Variants in ZC3H18 observed in about 807,000 individuals in gnomAD.
ZC3H18 encodes the protein zinc finger CCCH-type containing 18.
ZC3H18 carries 8 observed loss-of-function variants against 106.1 expected under a neutral mutation model. The observed-to-expected ratio is 0.08, with a 90% CI of 0.04 to 0.14. The LOEUF is 0.14. Among genes scored for constraint, ZC3H18 ranks in the 10% least tolerant of loss-of-function variants. The pLI is 1.00. For synonymous variants in ZC3H18, 635 were observed against 522.1 expected (o/e 1.22, Z -2.95); for missense variants, 1,318 against 1,278.4 (o/e 1.03, Z -0.47).
intron 8 of ZC3H18, among the ~76,000 whole-genome samples, chr16:88,612,521 T>A (rs1380815201): frequency 3.8e-4 from 55 of 143,516 alleles, no homozygotes; most frequent in African/African-American, 1.3e-3. Flanking sequence ...AAAAAAAAAA[T>A]TAAAAATTAG....
rs550248981 is a variant in ZC3H18 at position 88,608,807 on chromosome 16, A to G, written c.1089-127A>G. On this transcript the variant is annotated intron_variant, in intron 6 of 17. Coordinates refer to ENST00000301011, the MANE Select transcript of ZC3H18 (RefSeq NM_144604.4). ...GAACAGATTTCCTAACCTTGAGCCA[A>G]CCTTGCGCTCCTGGAGTAAACCCCA... 694 of 696,236 alleles carry G rather than the reference A, an allele frequency of 1.0e-3. 8 individuals carry two copies. Among genetic ancestry groups the G allele is most frequent in the South Asian group, 1.5e-3 (67 of 45,420 alleles). 43.1% of individuals were successfully genotyped at this position (696,236 alleles called of 1,614,324 possible). A position where few individuals can be genotyped will look rare whatever the true frequency, so the allele number is the denominator to read the frequency against.
intron 7 of ZC3H18, among the ~76,000 whole-genome samples, chr16:88,611,000 T>G (rs1905242207): frequency 6.6e-6 from 1 of 152,252 alleles, no homozygotes; most frequent in Non-Finnish European, 1.5e-5. Flanking sequence ...TTTTTAACAT[T>G]GTGTTTTAAG....
chr16:88,580,242 A>G (rs1054931862), intron 2 of ZC3H18, among the ~76,000 whole-genome samples: 7 of 147,808 alleles, frequency 4.7e-5, no homozygotes, highest in African/African-American at 1.5e-4. Context: ...TGCTTCCCCT[A>G]TTCCCAAGAA....
intron 3 of ZC3H18, among the ~76,000 whole-genome samples, chr16:88,590,440 C>A (rs1303583543): frequency 1.3e-5 from 2 of 152,098 alleles, no homozygotes; most frequent in African/African-American, 2.4e-5. Context: ...TGGAGCTGTA[C>A]TTCTTCATGG....
chr16:88,616,674 G>A (rs191955391), intron 8 of ZC3H18, among the ~76,000 whole-genome samples: 13 of 152,308 alleles, frequency 8.5e-5, no homozygotes, highest in Admixed American at 2.6e-4. Context: ...TATTGAATGG[G>A]TGGGTCTTTG....
At chr16:88,612,882 G>T (rs905296186) in intron 8 of ZC3H18, among the ~76,000 whole-genome samples, 1 of 151,928 alleles carries the variant, frequency 6.6e-6, no homozygotes, top group Admixed American at 6.6e-5. Flanking sequence ...GCACCACTGT[G>T]GTCCCAGCTA....
At chr16:88,594,062 A>C (rs939216779) in intron 3 of ZC3H18, among the ~76,000 whole-genome samples, 2 of 152,146 alleles carry the variant, frequency 1.3e-5, no homozygotes, top group African/African-American at 4.8e-5. Context: ...AAAGGCTTTT[A>C]GATGCCCCTC....
intron 2 of ZC3H18, among the ~76,000 whole-genome samples, chr16:88,579,746 C>T (rs533696516): frequency 6.6e-6 from 1 of 152,288 alleles, no homozygotes; most frequent in East Asian, 1.9e-4. Flanking sequence ...GCTGTGGAAA[C>T]CCCAGCACAG....
chr16:88,598,674 G>A lies in ZC3H18; in HGVS notation c.892G>A (p.Glu298Lys), dbSNP rs1367557876. The change falls in exon 5 of 18, where the codon GAG (glutamate) becomes AAG (lysine). Residue 298 changes from glutamate (E) to lysine (K), a missense_variant. Around this residue, in one of 6 missense-constraint regions of ZC3H18, gnomAD observed 78 missense variants for 67.3 expected, o/e 1.16. Transcript: ENST00000301011. ...LPPPPPEPPT[E>K]SAWERGLRHA... Reference sequence around the variant, plus strand: ...TCCACCCCCTCCAGAGCCCCCAACAGAGAGTGCCTGGGAACGAGGACTCCG... The same window carrying A: ...TCCACCCCCTCCAGAGCCCCCAACAAAGAGTGCCTGGGAACGAGGACTCCG... 1 of 1,613,258 alleles carries A rather than the reference G, an allele frequency of 6.2e-7. No homozygotes were observed. Among genetic ancestry groups the A allele is most frequent in the Non-Finnish European group, 8.5e-7 (1 of 1,179,594 alleles).
At chr16:88,577,910 C>G (rs1471025149) in intron 2 of ZC3H18, among the ~76,000 whole-genome samples, 184 bp downstream of exon 2, 1 of 152,126 alleles carries the variant, frequency 6.6e-6, no homozygotes, top group African/African-American at 2.4e-5. Flanking sequence ...AGCCAGAAAT[C>G]GAGAATGAGC....
At chr16:88,623,587 G>A (rs1906106046) in intron 10 of ZC3H18, 1 of 615,952 alleles carries the variant, frequency 1.6e-6, no homozygotes, top group Non-Finnish European at 2.8e-6. Flanking sequence ...CTCGAGTTGA[G>A]GCACTCCAGT....
chr16:88,621,142 T>G (rs1271818261), intron 8 of ZC3H18, among the ~76,000 whole-genome samples: 1 of 152,178 alleles, frequency 6.6e-6, no homozygotes, highest in African/African-American at 2.4e-5. Context: ...CCTCCCAGTT[T>G]CAAGCAATTC....
At position 88,631,441 on chromosome 16, in the gene ZC3H18, GC is replaced by G; in HGVS notation, c.*144del. 2 of 1,193,010 alleles carry G rather than the reference GC, an allele frequency of 1.7e-6. No homozygotes were observed. Among genetic ancestry groups the G allele is most frequent in the Non-Finnish European group, 2.3e-6 (2 of 853,370 alleles). 73.9% of individuals were successfully genotyped at this position (1,193,010 alleles called of 1,614,324 possible). On this transcript the variant is annotated 3_prime_UTR_variant, in exon 18 of 18. Coordinates refer to ENST00000301011, the MANE Select transcript of ZC3H18 (RefSeq NM_144604.4). ...AAAAAGTTTCTCAGCTGGAAAAGAA[GC>G]CACACAGGAAATGACAACGACGCTG...
chr16:88,580,918 T>C (rs894616564), intron 2 of ZC3H18, among the ~76,000 whole-genome samples: 1 of 152,236 alleles, frequency 6.6e-6, no homozygotes, highest in Non-Finnish European at 1.5e-5. Flanking sequence ...TTACTCTCTT[T>C]GGCCTGTACC....
intron 8 of ZC3H18, among the ~76,000 whole-genome samples, chr16:88,619,804 C>A (rs376496698): frequency 3.2e-4 from 48 of 152,324 alleles, no homozygotes; most frequent in East Asian, 1.2e-3. Flanking sequence ...GTTCCCTCTC[C>A]CTGTGTTGGA....
intron 9 of ZC3H18, 80 bp downstream of exon 9, chr16:88,622,468 TGGGGAAC>T: frequency 6.9e-7 from 1 of 1,441,284 alleles, no homozygotes. Context: ...CTGGGTCAGG[TGGGGAAC>T]ACCCCAGCCC....
chr16:88,577,812 G>A (rs974860937), intron 2 of ZC3H18, 86 bp downstream of exon 2: 29 of 1,599,654 alleles, frequency 1.8e-5, no homozygotes, highest in Non-Finnish European at 2.1e-5. Flanking sequence ...ACTCTGTGTG[G>A]GACTGACTTA....
At chr16:88,621,918 G>C (rs752087258) in intron 8 of ZC3H18, among the ~76,000 whole-genome samples, 2 of 152,210 alleles carry the variant, frequency 1.3e-5, no homozygotes, top group Non-Finnish European at 2.9e-5. Context: ...AATTAAGTAA[G>C]TAATGACACT....
At position 88,622,002 on chromosome 16, in the gene ZC3H18, G is replaced by A. The variant is rs183454144; in HGVS notation, c.1476-195G>A. Among the ~76,000 whole-genome samples, 18 of 152,272 alleles carry A rather than the reference G, an allele frequency of 1.2e-4. No homozygotes were observed. The East Asian group carries it at 3.5e-3, about 29-fold the overall frequency. On this transcript the variant is annotated intron_variant, in intron 8 of 17. Transcript: ENST00000301011. ...CTGAGTAACAGACACTGAGCCAAGG[G>A]CCATGGACATCACCCAAGTCCATGG...
Sources: allele counts gnomAD v4.1 joint callset (sites outside exome capture counted in the v4.1 genomes callset), GRCh38; gene constraint gnomAD v4.1.1; regional missense constraint gnomAD v4.1.1; transcripts MANE v1.5; gene names NCBI Gene and HGNC (gene_info 2026-07-23, HGNC 2026-07-21).